The following WNT9B variants were observed in gnomAD, a reference collection of about 807,000 sequenced individuals.
The protein encoded by WNT9B is protein Wnt-9b.
Under a neutral mutation model 30.2 loss-of-function variants are expected in WNT9B, and 12 were observed. That is an observed-to-expected ratio of 0.40 (90% CI 0.26 to 0.64). The LOEUF (loss-of-function observed/expected upper bound fraction) is 0.64. Among genes scored for constraint, WNT9B ranks in the 30% least tolerant of loss-of-function variants. WNT9B has a pLI of 0.42. For synonymous variants in WNT9B, 218 were observed against 216.9 expected (o/e 1.01, Z -0.05); for missense variants, 442 against 485.2 (o/e 0.91, Z 0.84).
chr17:46,843,550 C>T (rs900601505), intron 1 of WNT9B, among the ~76,000 whole-genome samples: 1 of 152,178 alleles, frequency 6.6e-6, no homozygotes, highest in Non-Finnish European at 1.5e-5. Flanking sequence ...TCCTGGGTTC[C>T]TGCCTCATTT....
intron 1 of WNT9B, among the ~76,000 whole-genome samples, chr17:46,836,244 G>A (rs949939833): frequency 1.3e-5 from 2 of 151,984 alleles, no homozygotes; most frequent in African/African-American, 2.4e-5. Context: ...AAAAGAGTGC[G>A]GAGGAAGTGA....
chr17:46,856,393 G>A lies in WNT9B; in HGVS notation c.77+4678G>A, dbSNP rs552549503. Among the ~76,000 whole-genome samples, 30 of 152,224 alleles carry A rather than the reference G, an allele frequency of 2.0e-4. No homozygotes were observed. In the East Asian group the frequency reaches 5.2e-3, roughly 26 times the overall value. On this transcript the variant is annotated intron_variant, in intron 1 of 3. Transcript: ENST00000290015. ...CTAAACATCATCCCAGGTGGTGGAAGTGTCATTACTATAATTCCATTGGAG... is the reference window on the plus strand; with the variant it reads ...CTAAACATCATCCCAGGTGGTGGAAATGTCATTACTATAATTCCATTGGAG...
Position 46,851,598 on chromosome 17 carries a change from C to A in WNT9B, c.-41C>A. On this transcript the variant is annotated 5_prime_UTR_variant, in exon 1 of 4. Transcript: ENST00000290015. The surrounding 1 kb of genome is among the most constrained non-coding windows in gnomAD (Gnocchi z 4.3). ...GTGGTGGCGGAGCTGCGAGCTTGAGCGGCGCGAGGAGATGCTAGAGGGCGC... is the reference window on the plus strand; with the variant it reads ...GTGGTGGCGGAGCTGCGAGCTTGAGAGGCGCGAGGAGATGCTAGAGGGCGC... 3 of 1,163,340 alleles carry A rather than the reference C, an allele frequency of 2.6e-6. No homozygotes were observed. The highest frequency in any genetic ancestry group is 3.3e-5 in the South Asian group (1 of 30,016). The allele number at this position is 1,163,340 out of a possible 1,614,324, so 72.1% of individuals were successfully genotyped here.
intron 1 of WNT9B, among the ~76,000 whole-genome samples, chr17:46,845,592 C>T (rs961284715): frequency 1.4e-5 from 2 of 147,864 alleles, no homozygotes; most frequent in Non-Finnish European, 3.0e-5. Flanking sequence ...TGGGTTCAAA[C>T]GATTTTCCTG....
chr17:46,863,662 G>T (rs953563493), intron 1 of WNT9B, among the ~76,000 whole-genome samples: 16 of 152,294 alleles, frequency 1.1e-4, no homozygotes, highest in East Asian at 3.9e-4. Flanking sequence ...GCTATAAAAG[G>T]TTCCAGGGTA....
chr17:46,833,938 G>A (rs1458065188), intron 1 of WNT9B, among the ~76,000 whole-genome samples: 2 of 152,128 alleles, frequency 1.3e-5, no homozygotes, highest in African/African-American at 2.4e-5. Context: ...GCTCATACCT[G>A]TAATCCCAGC....
chr17:46,833,434 T>A (rs1322155278), exon 1 of WNT9B: 1 of 515,838 alleles, frequency 1.9e-6, no homozygotes, highest in South Asian at 1.4e-5. Context: ...CTAAGAAGAA[T>A]CAGAAGGTGA....
Position 46,875,083 on chromosome 17 carries a change from C to T in WNT9B, c.335-18C>T, listed in dbSNP as rs1162571624. The T allele has an allele frequency of 1.2e-6, 2 of 1,613,420 alleles. No homozygotes were observed. Among genetic ancestry groups the T allele is most frequent in the Admixed American group, 1.7e-5 (1 of 60,014 alleles). On this transcript the variant is annotated intron_variant, in intron 2 of 3. Coordinates refer to ENST00000290015, the MANE Select transcript of WNT9B (RefSeq NM_003396.3). ...TCCCCCTTTCCTCCCTCCCTATGCC[C>T]CTGGGTGCCCGATCCAGGCTTCAAA... is the stretch of plus-strand genomic sequence containing the variant.
At chr17:46,875,399 C>T (rs1387278927) in intron 3 of WNT9B, 33 bp downstream of exon 3, 1 of 1,558,566 alleles carries the variant, frequency 6.4e-7, no homozygotes, top group Admixed American at 1.8e-5. Flanking sequence ...GCAGTGCCTT[C>T]CCACCAGGGT....
At chr17:46,835,025 C>T (rs576299554) in intron 1 of WNT9B, among the ~76,000 whole-genome samples, 6 of 152,262 alleles carry the variant, frequency 3.9e-5, no homozygotes, top group East Asian at 1.9e-4. Context: ...GACAGGATCT[C>T]GCTCTGTTGT....
downstream of WNT9B, among the ~76,000 whole-genome samples, chr17:46,881,028 T>A (rs2085415807): frequency 1.3e-5 from 2 of 152,226 alleles, no homozygotes; most frequent in African/African-American, 4.8e-5. Context: ...ACACGAATCC[T>A]GTGTCCCTTT....
intron 1 of WNT9B, among the ~76,000 whole-genome samples, chr17:46,837,602 C>T (rs1320724939): frequency 2.0e-5 from 3 of 152,214 alleles, no homozygotes; most frequent in South Asian, 4.1e-4. Flanking sequence ...TCCTAATAAA[C>T]GCTAGAGGTG....
At chr17:46,839,429 A>G (rs1396821447) in intron 1 of WNT9B, among the ~76,000 whole-genome samples, 2 of 152,180 alleles carry the variant, frequency 1.3e-5, no homozygotes, top group African/African-American at 4.8e-5. Context: ...ATCAGGTTGT[A>G]TGGTAGCTGC....
intron 1 of WNT9B, among the ~76,000 whole-genome samples, chr17:46,868,176 C>G (rs374051631): frequency 6.6e-6 from 1 of 152,152 alleles, no homozygotes; most frequent in East Asian, 1.9e-4. Context: ...AGCCCCCAGC[C>G]CAGAAGAGCA....
chr17:46,844,355 C>T (rs2146528759), intron 1 of WNT9B, among the ~76,000 whole-genome samples: 1 of 147,448 alleles, frequency 6.8e-6, no homozygotes, highest in African/African-American at 2.5e-5. Flanking sequence ...TACTGCTTCC[C>T]AGAGATAAAC....
chr17:46,834,993 TCTC>T (rs147281095), intron 1 of WNT9B, among the ~76,000 whole-genome samples: 3,647 of 152,066 alleles, frequency 0.024, 123 homozygotes, highest in African/African-American at 0.079. Flanking sequence ...TCCTTCTCCT[TCTC>T]CTTCTTCTTC....
chr17:46,865,372 C>G (rs1598853386), intron 1 of WNT9B, among the ~76,000 whole-genome samples: 1 of 152,126 alleles, frequency 6.6e-6, no homozygotes, highest in Admixed American at 6.6e-5. Context: ...AGAGACAAAG[C>G]CTACAGCTGG....
chr17:46,874,718 T>C (rs1222485134), intron 2 of WNT9B, among the ~76,000 whole-genome samples: 1 of 152,118 alleles, frequency 6.6e-6, no homozygotes, highest in African/African-American at 2.4e-5. Context: ...GCTGGGAATA[T>C]TGGCATGTAC....
rs138314634 is a variant in WNT9B, at chr17:46,876,309, G to T, written c.665G>T (p.Arg222Leu). 5 of 1,614,176 alleles carry T rather than the reference G, an allele frequency of 3.1e-6. No individual in the cohort carries two copies. The highest frequency in any genetic ancestry group is 4.2e-6 in the Non-Finnish European group (5 of 1,180,026). The change falls in exon 4 of 4, where the codon CGC (arginine) becomes CTC (leucine). Residue 222 changes from arginine to leucine, a missense_variant. By Grantham distance (102) the Arg-to-Leu change is moderately radical. Transcript: ENST00000290015. ...CHGVSGSCAV[R>L]TCWKQLSPFR... is the part of the protein sequence containing the mutation. The stretch of plus-strand genomic sequence containing the variant: ...GGCGTATCAGGCTCCTGTGCCGTGC[G>T]CACCTGCTGGAAGCAGCTCTCCCCG...
Sources: allele counts gnomAD v4.1 joint callset (sites outside exome capture counted in the v4.1 genomes callset), GRCh38; gene constraint gnomAD v4.1.1; non-coding constraint Gnocchi (gnomAD v3.1); transcripts MANE v1.5; gene names NCBI Gene and HGNC (gene_info 2026-07-23, HGNC 2026-07-21).